The following PHF20L1 variants were observed in gnomAD, a reference collection of about 807,000 sequenced individuals.
PHF20L1 encodes PHD finger protein 20 like 1.
A neutral mutation model predicts 125.5 loss-of-function variants in PHF20L1; 44 were observed. The ratio of observed to expected loss-of-function variants is 0.35; its 90% CI spans 0.28 to 0.45. The LOEUF (loss-of-function observed/expected upper bound fraction) is 0.45. Ranked by LOEUF, PHF20L1 falls within the 20% of genes least tolerant of loss-of-function variation. PHF20L1 has a pLI of 1.00. For missense variants in PHF20L1, 1,012 were observed against 1,217.2 expected (o/e 0.83, Z 2.51); for synonymous variants, 380 against 403.1 (o/e 0.94, Z 0.69).
rs1248808765 is a variant in PHF20L1, at chr8:132,783,912, T to A, written c.83+6001T>A. Among the ~76,000 whole-genome samples, 8 of 152,302 alleles carry A rather than the reference T, an allele frequency of 5.3e-5. No individual in the cohort carries two copies. The East Asian group carries it at 1.5e-3, about 29-fold the overall frequency. ...ACAATTCATTTGAAATCTGTAAGTT[T>A]TGTTTAAAAATTCTGAGATAATTTA... On this transcript the variant is annotated intron_variant, in intron 2 of 20. Transcript: ENST00000395386.
rs143965972 is a variant in PHF20L1, at chr8:132,817,604, T to C, written c.1579+59T>C. ...GATAAGTAGCTAGGCTTGCAGTTATTAGGTATAAACATTTTGAGGTTTAAC... is the reference window on the plus strand; with the variant it reads ...GATAAGTAGCTAGGCTTGCAGTTATCAGGTATAAACATTTTGAGGTTTAAC... On this transcript the variant is annotated intron_variant, in intron 12 of 20. Coordinates refer to ENST00000395386, the MANE Select transcript of PHF20L1 (RefSeq NM_016018.5). 2.4e-5 allele frequency: 28 copies of C among 1,190,992 alleles called. No individual in the cohort carries two copies. The East Asian group carries it at 5.3e-4, about 23-fold the overall frequency. The allele number at this position is 1,190,992 out of a possible 1,614,324, so 73.8% of individuals were successfully genotyped here.
rs1837715206 is a variant in PHF20L1 at position 132,839,571 on chromosome 8, T to A, written c.2376T>A (p.Ile792=). 1.2e-6 allele frequency: 2 copies of A among 1,612,058 alleles called. No homozygotes were observed. ...TGCTACACGGGCTACAGCTGAAGAT[T>A]GGAATACTAAAGTAAGTGAAGGGCA... is the stretch of plus-strand genomic sequence containing the variant. ...TEVLHGLQLK[I]GILKNKHHPD... Residue 792 remains isoleucine (I), a synonymous_variant, in exon 18 of 21, where the codon ATT becomes ATA. Coordinates refer to ENST00000395386, the MANE Select transcript of PHF20L1 (RefSeq NM_016018.5).
In PHF20L1 at chr8:132,803,968, A is replaced by C. The variant is rs140666953; in HGVS notation, c.657A>C (p.Ser219=). The change falls in exon 7 of 21, where the codon TCA becomes TCC. Residue 219 remains serine (S), a synonymous_variant. Coordinates refer to ENST00000395386, the MANE Select transcript of PHF20L1 (RefSeq NM_016018.5). The part of the protein sequence containing the change: ...FKVPSKKEET[S]TCIATPDVEK... ...TACCTTCAAAGAAGGAGGAAACTTC[A>C]ACTTGTATAGCCACACCAGACGTAG... is the stretch of plus-strand genomic sequence containing the variant. 100 of 1,612,406 alleles carry C rather than the reference A, an allele frequency of 6.2e-5. No individual in the cohort carries two copies. Among genetic ancestry groups the C allele is most frequent in the Non-Finnish European group, 8.3e-5 (98 of 1,178,878 alleles).
rs1034330760 is a variant in PHF20L1, at chr8:132,824,163, G to GT, written c.1636+104dup. The GT allele has an allele frequency of 5.9e-6, 4 of 673,798 alleles. No individual in the cohort carries two copies. The Admixed American group carries it at 1.1e-4, about 19-fold the overall frequency. 41.7% of individuals were successfully genotyped at this position (673,798 alleles called of 1,614,324 possible). On this transcript the variant is annotated intron_variant, in intron 13 of 20. Coordinates refer to ENST00000395386, the MANE Select transcript of PHF20L1 (RefSeq NM_016018.5). ...TTTACCAGTTAATGCTACCTTAGGT[G>GT]TAAGTGATCATCTGTTTTAGTTCCT... is the stretch of plus-strand genomic sequence containing the variant.
chr8:132,797,065 G>C (rs958559610), intron 4 of PHF20L1, among the ~76,000 whole-genome samples: 1 of 151,988 alleles, frequency 6.6e-6, no homozygotes, highest in Non-Finnish European at 1.5e-5. Context: ...AGAAAATTCA[G>C]CTTACCTTAG....
Position 132,804,739 on chromosome 8 carries a change from T to C in PHF20L1, c.846T>C (p.Thr282=). 1 of 1,594,186 alleles carries C rather than the reference T, an allele frequency of 6.3e-7. No homozygotes were observed. Among genetic ancestry groups the C allele is most frequent in the African/African-American group, 1.4e-5 (1 of 73,570 alleles). The change falls in exon 8 of 21, where the codon ACT becomes ACC. Residue 282 remains threonine (T), a splice_region_variant and synonymous_variant. Transcript: ENST00000395386. ...QAKRARLNKI[T]GLLASKAVGV... ...AGAGAGCTCGACTTAACAAGATTAC[T>C]GGTAAACTACAATGATTTTTTTTTT... is the stretch of plus-strand genomic sequence containing the variant.
intron 14 of PHF20L1, among the ~76,000 whole-genome samples, chr8:132,828,615 G>T (rs915409064): frequency 3.3e-5 from 5 of 152,024 alleles, no homozygotes; most frequent in Admixed American, 2.6e-4. Flanking sequence ...TGAGGTAGTA[G>T]GTTAAGATAT....
chr8:132,795,869 A>G (rs187611841), intron 4 of PHF20L1, among the ~76,000 whole-genome samples: 9 of 152,256 alleles, frequency 5.9e-5, no homozygotes, highest in Admixed American at 5.2e-4. Context: ...AATAAAAGTT[A>G]TATGAATGTG....
chr8:132,837,559 T>G (rs1837501554), intron 16 of PHF20L1, among the ~76,000 whole-genome samples, 153 bp from the exon 17 acceptor site: 1 of 152,158 alleles, frequency 6.6e-6, no homozygotes. Flanking sequence ...TCATCTTAAG[T>G]CATGGCTTGA....
At position 132,836,558 on chromosome 8, in the gene PHF20L1, TC is replaced by T. The variant is rs1208969516; in HGVS notation, c.1930del (p.Leu644Ter). On this transcript the variant is annotated frameshift_variant, in exon 16 of 21. Coordinates refer to ENST00000395386, the MANE Select transcript of PHF20L1 (RefSeq NM_016018.5). LOFTEE classifies it high-confidence loss of function. ...ATTCTAGACTTATCAGATGTAGACT[TC>T]CTAGATGATTCTTCAACGGAGAGTT... Reference protein sequence around the residue: ...LSGENLSDVDFLDDSSTESLL... With the variant: ...LSGENLSDVDXLDDSSTESLL... 1 of 1,608,678 alleles carries T rather than the reference TC, an allele frequency of 6.2e-7. No individual in the cohort carries two copies. The highest frequency in any genetic ancestry group is 8.5e-7 in the Non-Finnish European group (1 of 1,175,452).
At chr8:132,843,122 T>C in intron 19 of PHF20L1, 1 of 1,181,982 alleles carries the variant, frequency 8.5e-7, no homozygotes, top group Non-Finnish European at 1.0e-6. Flanking sequence ...GTTTCAATTG[T>C]ATAAGTACAT....
chr8:132,845,590 A>C (rs532193815), intron 20 of PHF20L1, among the ~76,000 whole-genome samples, 191 bp from the exon 21 acceptor site: 85 of 152,160 alleles, frequency 5.6e-4, no homozygotes, highest in African/African-American at 2.0e-3. Flanking sequence ...AAAATTGCCA[A>C]GAGGGACTAG....
intron 6 of PHF20L1, 129 bp from the exon 7 acceptor site, chr8:132,803,690 A>G (rs1586924897): frequency 1.7e-6 from 1 of 597,218 alleles, no homozygotes; most frequent in African/African-American, 1.9e-5. Flanking sequence ...AAATATTGTT[A>G]TCTCTATATT....
At position 132,848,353 on chromosome 8, in the gene PHF20L1, G is replaced by A. The variant is rs1424064478; in HGVS notation, c.*2430G>A. On this transcript the variant is annotated 3_prime_UTR_variant, in exon 21 of 21. Coordinates refer to ENST00000395386, the MANE Select transcript of PHF20L1 (RefSeq NM_016018.5). ...GATTGAAGCCTTTCACAAGTAGTGC[G>A]CTGAGCTTTTCTTATTGAAGAGAGT... 1.3e-5 allele frequency: 2 copies of A among 152,484 alleles called. No individual in the cohort carries two copies. The highest frequency in any genetic ancestry group is 2.9e-5 in the Non-Finnish European group (2 of 67,962). The allele number at this position is 152,484 out of a possible 1,614,324, so 9.4% of individuals were successfully genotyped here.
chr8:132,784,658 T>C (rs1028025394), intron 2 of PHF20L1, among the ~76,000 whole-genome samples: 1 of 152,204 alleles, frequency 6.6e-6, no homozygotes, highest in Non-Finnish European at 1.5e-5. Context: ...GGAAAAAATA[T>C]AGAGGTTTGA....
intron 6 of PHF20L1, among the ~76,000 whole-genome samples, chr8:132,802,774 A>G (rs1184292204): frequency 6.6e-6 from 1 of 151,772 alleles, no homozygotes; most frequent in Non-Finnish European, 1.5e-5. Context: ...TACATTGTTC[A>G]TTGCTTAATT....
rs918456315 is a variant in PHF20L1, at chr8:132,775,405, G to C, written c.-278G>C. 37 of 383,096 alleles carry C rather than the reference G, an allele frequency of 9.7e-5. 2 individuals are homozygous for C. The Admixed American group carries it at 1.4e-3, about 14-fold the overall frequency. The allele number at this position is 383,096 out of a possible 1,614,324, so 23.7% of individuals were successfully genotyped here. ...GTCGCGTCAGGGCTGGCCGGCGGCG[G>C]AGGCGGCGGCGGCGGCGGCGATGGC... On this transcript the variant is annotated 5_prime_UTR_variant, in exon 1 of 21. Coordinates refer to ENST00000395386, the MANE Select transcript of PHF20L1 (RefSeq NM_016018.5).
At chr8:132,843,708 T>C (rs1838168509) in intron 19 of PHF20L1, 2 of 984,942 alleles carry the variant, frequency 2.0e-6, no homozygotes, top group East Asian at 2.3e-4. Flanking sequence ...TTTACTGTAC[T>C]ATAACAGTAA....
chr8:132,812,480 G>T, intron 9 of PHF20L1: 1 of 984,580 alleles, frequency 1.0e-6, no homozygotes, highest in Non-Finnish European at 1.2e-6. Flanking sequence ...GGAAAATTGT[G>T]TAACTCGGCT....
Sources: gnomAD v4.1 joint callset for allele counts (sites outside exome capture counted in the v4.1 genomes callset) on GRCh38, gnomAD v4.1.1 for gene constraint, MANE v1.5 for transcripts, NCBI Gene and HGNC (gene_info 2026-07-23, HGNC 2026-07-21) for gene names.